The following EYA1 variants were observed in gnomAD, a reference collection of about 807,000 sequenced individuals.
EYA1 encodes EYA transcriptional coactivator and phosphatase 1.
A neutral mutation model predicts 82.0 loss-of-function variants in EYA1; 16 were observed. That is an observed-to-expected ratio of 0.20 (90% CI 0.13 to 0.30). The LOEUF (loss-of-function observed/expected upper bound fraction) is 0.30, where lower values mean the gene tolerates loss of function less well. Ranked by LOEUF, EYA1 falls within the 10% of genes least tolerant of loss-of-function variation. EYA1 has a pLI of 1.00. For synonymous variants in EYA1, 261 were observed against 264.4 expected (o/e 0.99, Z 0.12); for missense variants, 633 against 730.7 (o/e 0.87, Z 1.54).
intron 2 of EYA1, among the ~76,000 whole-genome samples, chr8:71,381,272 T>C (rs1392827557): frequency 6.6e-6 from 1 of 152,140 alleles, no homozygotes; most frequent in Non-Finnish European, 1.5e-5. Flanking sequence ...GATATTTAGT[T>C]AGACACAAAA....
At chr8:71,327,660 C>T (rs574631042) in intron 4 of EYA1, among the ~76,000 whole-genome samples, 1 of 152,212 alleles carries the variant, frequency 6.6e-6, no homozygotes, top group East Asian at 1.9e-4. Context: ...TCTCCCCACG[C>T]CAAGATCCCT....
At chr8:71,215,352 A>T in intron 16 of EYA1, 35 bp downstream of exon 16, 2 of 1,603,022 alleles carry the variant, frequency 1.2e-6, no homozygotes, top group Non-Finnish European at 1.7e-6. Flanking sequence ...GAAGGAAAAG[A>T]GCTGATTGTT....
chr8:71,216,670 G>C (rs1265160884), intron 14 of EYA1, 22 bp downstream of exon 14: 1 of 1,612,574 alleles, frequency 6.2e-7, no homozygotes, highest in East Asian at 2.2e-5. Context: ...AACTTGCTGA[G>C]GTACTGGTGG....
At chr8:71,248,916 T>C (rs547657172) in intron 11 of EYA1, among the ~76,000 whole-genome samples, 1 of 152,242 alleles carries the variant, frequency 6.6e-6, no homozygotes, top group Non-Finnish European at 1.5e-5. Context: ...AAAACTGAGA[T>C]GTTAAAATCA....
At chr8:71,492,136 C>A (rs1199888228) in intron 2 of EYA1, among the ~76,000 whole-genome samples, 1 of 152,136 alleles carries the variant, frequency 6.6e-6, no homozygotes, top group Non-Finnish European at 1.5e-5. Flanking sequence ...TTAAAATGTA[C>A]TCCAAGATGG....
At chr8:71,207,050 G>C (rs866606325) in intron 17 of EYA1, among the ~76,000 whole-genome samples, 3 of 152,116 alleles carry the variant, frequency 2.0e-5, no homozygotes, top group African/African-American at 7.2e-5. Flanking sequence ...GCCTGCCTTG[G>C]TAGCAATTTT....
At chr8:71,250,963 G>GA (rs1351800829) in intron 11 of EYA1, among the ~76,000 whole-genome samples, 1 of 152,096 alleles carries the variant, frequency 6.6e-6, no homozygotes, top group Non-Finnish European at 1.5e-5. Context: ...CTAGCCTAGG[G>GA]AAAAAATGGG....
intron 2 of EYA1, among the ~76,000 whole-genome samples, chr8:71,406,843 CG>C (rs1220338697): frequency 7.4e-6 from 1 of 134,398 alleles, no homozygotes; most frequent in African/African-American, 2.7e-5. Flanking sequence ...ACAAAGCAGC[CG>C]GGAAGCTCGA....
intron 2 of EYA1, among the ~76,000 whole-genome samples, chr8:71,394,823 G>T (rs1005834976): frequency 4.6e-5 from 7 of 152,088 alleles, no homozygotes; most frequent in Non-Finnish European, 8.8e-5. Flanking sequence ...TTCCAATTCT[G>T]TGAAGAAAGT....
rs138464158 is a variant in EYA1 at position 71,247,147 on chromosome 8, C to A, written c.1051-2455G>T. Among the ~76,000 whole-genome samples the A allele has an allele frequency of 1.7e-4, 26 of 151,548 alleles. No individual in the cohort carries two copies. In the East Asian group the frequency reaches 2.3e-3, roughly 14 times the overall value. On this transcript the variant is annotated intron_variant, in intron 11 of 17. Coordinates refer to ENST00000340726, the MANE Select transcript of EYA1 (RefSeq NM_000503.6). Reference sequence around the variant, plus strand: ...CACTTCCCTCTAGCACCTCTCACCCCCTTAGCACTACCCACACCCTTCCAG... The same window carrying A: ...CACTTCCCTCTAGCACCTCTCACCCACTTAGCACTACCCACACCCTTCCAG...
chr8:71,360,360 T>C (rs1827266427), intron 1 of EYA1, among the ~76,000 whole-genome samples: 1 of 152,244 alleles, frequency 6.6e-6, no homozygotes, highest in South Asian at 2.1e-4. Context: ...CAAGTGTTTT[T>C]CTTCTTTACA....
chr8:71,203,606 T>G (rs1037811554), intron 17 of EYA1, among the ~76,000 whole-genome samples: 1 of 152,060 alleles, frequency 6.6e-6, no homozygotes, highest in Non-Finnish European at 1.5e-5. Context: ...CGTAGAGATG[T>G]TAAGGAGGTT....
At chr8:71,345,751 T>TCAC (rs1319215988) in intron 3 of EYA1, among the ~76,000 whole-genome samples, 1 of 152,196 alleles carries the variant, frequency 6.6e-6, no homozygotes, top group Non-Finnish European at 1.5e-5. Flanking sequence ...TCATTTCTTC[T>TCAC]CACCTGGGGT....
At chr8:71,296,631 GAA>G (rs11324249) in intron 9 of EYA1, among the ~76,000 whole-genome samples, 6 of 147,728 alleles carry the variant, frequency 4.1e-5, no homozygotes, top group East Asian at 2.0e-4. Flanking sequence ...AAAAGTAAAA[GAA>G]AAAAAAAAAG....
At chr8:71,321,360 T>C (rs1365292073) in intron 6 of EYA1, among the ~76,000 whole-genome samples, 1 of 152,222 alleles carries the variant, frequency 6.6e-6, no homozygotes, top group Non-Finnish European at 1.5e-5. Context: ...CAGCTAGGCA[T>C]CTGATAAATA....
chr8:71,490,839 A>G (rs559245989), intron 2 of EYA1, among the ~76,000 whole-genome samples: 4 of 152,338 alleles, frequency 2.6e-5, no homozygotes, highest in African/African-American at 7.2e-5. Context: ...AAGATTTTTC[A>G]TTGAGGAACT....
chr8:71,377,895 T>C (rs2129096497), intron 2 of EYA1, among the ~76,000 whole-genome samples: 1 of 152,334 alleles, frequency 6.6e-6, no homozygotes, highest in East Asian at 1.9e-4. Flanking sequence ...GTACATTCCC[T>C]CTTTGAAATG....
intron 2 of EYA1, among the ~76,000 whole-genome samples, chr8:71,496,261 T>C (rs1199382850): frequency 2.0e-5 from 3 of 152,204 alleles, no homozygotes; most frequent in Non-Finnish European, 2.9e-5. Flanking sequence ...TTGTTTTGCA[T>C]GCTTCCATGA....
At chr8:71,221,379 G>A (rs1007107110) in intron 12 of EYA1, among the ~76,000 whole-genome samples, 3 of 152,122 alleles carry the variant, frequency 2.0e-5, no homozygotes, top group African/African-American at 7.2e-5. Flanking sequence ...TCAGAGAGGT[G>A]AGGGGAAGCC....
Sources: allele counts gnomAD v4.1 joint callset (sites outside exome capture counted in the v4.1 genomes callset), GRCh38; gene constraint gnomAD v4.1.1; transcripts MANE v1.5; gene names NCBI Gene and HGNC (gene_info 2026-07-23, HGNC 2026-07-21).